Variants in ZBTB20 observed in about 807,000 individuals in gnomAD.
ZBTB20 encodes zinc finger and BTB domain-containing protein 20.
Under a neutral mutation model 56.9 loss-of-function variants are expected in ZBTB20, and 9 were observed. That is an observed-to-expected ratio of 0.16 (90% CI 0.10 to 0.28). The LOEUF (loss-of-function observed/expected upper bound fraction) is 0.28. ZBTB20 is among the 10% of genes least tolerant of loss of function. The probability of loss-of-function intolerance (pLI) is 1.00; values close to 1 mark genes in which losing one functional copy is unlikely to be tolerated. For missense variants in ZBTB20, 655 were observed against 1,003.0 expected (o/e 0.65, Z 4.69); for synonymous variants, 417 against 420.7 (o/e 0.99, Z 0.11).
chr3:114,855,558 G>C (rs913047781), intron 4 of ZBTB20, among the ~76,000 whole-genome samples: 1 of 152,170 alleles, frequency 6.6e-6, no homozygotes, highest in African/African-American at 2.4e-5. Context: ...TTGGGAGAAA[G>C]GGGAAGGTAA....
At chr3:115,080,061 A>G (rs143241885) in intron 1 of ZBTB20, among the ~76,000 whole-genome samples, 23 of 152,270 alleles carry the variant, frequency 1.5e-4, no homozygotes, top group South Asian at 6.2e-4. Context: ...TATACCCCCA[A>G]TGTAATGCCA....
chr3:114,976,840 A>G (rs986330554), intron 2 of ZBTB20, among the ~76,000 whole-genome samples: 4 of 152,184 alleles, frequency 2.6e-5, no homozygotes, highest in African/African-American at 9.6e-5. Flanking sequence ...AATAGTGCCT[A>G]GCAAGAGCTC....
At chr3:114,750,154 G>A (rs116057322) in intron 5 of ZBTB20, among the ~76,000 whole-genome samples, 49 of 152,082 alleles carry the variant, frequency 3.2e-4, no homozygotes, top group African/African-American at 8.4e-4. Flanking sequence ...CCCCAAATCC[G>A]GATCATAAAG....
chr3:115,026,340 T>C (rs1385343222), intron 2 of ZBTB20, among the ~76,000 whole-genome samples: 1 of 151,040 alleles, frequency 6.6e-6, no homozygotes, highest in African/African-American at 2.4e-5. Context: ...CTATAACATA[T>C]AAATACCTTA....
chr3:114,685,466 C>CG (rs1188213289), intron 6 of ZBTB20, among the ~76,000 whole-genome samples: 1 of 152,208 alleles, frequency 6.6e-6, no homozygotes, highest in Admixed American at 6.5e-5. Context: ...AAGCAGCCCT[C>CG]GGCAGGTTTC....
intron 5 of ZBTB20, among the ~76,000 whole-genome samples, chr3:114,718,577 C>T (rs952782539): frequency 2.6e-5 from 4 of 152,010 alleles, no homozygotes; most frequent in East Asian, 1.9e-4. Context: ...GAGAAAATAT[C>T]GCAAGATATT....
At chr3:114,388,590 C>A (rs1244887925) in intron 8 of ZBTB20, 6 of 152,286 alleles carry the variant, frequency 3.9e-5, no homozygotes, top group African/African-American at 9.7e-5. Flanking sequence ...TAAATAAAAC[C>A]AAGCAAAGCT....
chr3:114,520,173 G>A (rs1456456548), intron 6 of ZBTB20: 1 of 151,974 alleles, frequency 6.6e-6, no homozygotes, highest in Non-Finnish European at 1.5e-5. Flanking sequence ...GAAATAGAAA[G>A]AATAAAGATG....
chr3:114,647,205 G>T (rs781377715), intron 6 of ZBTB20, among the ~76,000 whole-genome samples: 1 of 152,092 alleles, frequency 6.6e-6, no homozygotes. Flanking sequence ...TAATCCACCC[G>T]CCTTGGCCTC....
chr3:114,397,444 T>G lies in ZBTB20; in HGVS notation c.-254-8339A>C, dbSNP rs571291547. Among the ~76,000 whole-genome samples the G allele has an allele frequency of 2.6e-5, 4 of 151,694 alleles. No individual in the cohort carries two copies. The South Asian group carries it at 8.3e-4, about 31-fold the overall frequency. On this transcript the variant is annotated intron_variant, in intron 7 of 11. Coordinates refer to ENST00000675478, the MANE Select transcript of ZBTB20 (RefSeq NM_001348800.3). ...TTTCCTCAGGATATATCTTTTCCCA[T>G]GTTCCCTTCGTATCTTGAAGGTTAT...
In ZBTB20 at chr3:114,655,232, TTTTCC is replaced by T. The variant is rs1355580515; in HGVS notation, c.-295+38291_-295+38295del. Among the ~76,000 whole-genome samples, 144 of 142,296 alleles carry T rather than the reference TTTTCC, an allele frequency of 1.0e-3. 2 individuals carry two copies. Among genetic ancestry groups the T allele is most frequent in the African/African-American group, 3.8e-3 (134 of 35,604 alleles). The allele number at this position is 142,296 out of a possible 152,430, so 93.4% of individuals were successfully genotyped here. On this transcript the variant is annotated intron_variant, in intron 6 of 11. Transcript: ENST00000675478. The stretch of plus-strand genomic sequence containing the variant: ...GGTTTTTGTCATTGTTATTCTTCTG[TTTTCC>T]TTTCCTTTTTTTTTTTTTTTTTTTT...
At chr3:114,420,045 G>A (rs903441594) in intron 7 of ZBTB20, among the ~76,000 whole-genome samples, 15 of 152,184 alleles carry the variant, frequency 9.9e-5, no homozygotes, top group Admixed American at 9.8e-4. Context: ...ACTTCTCCTT[G>A]TAAACTTAAA....
Position 114,703,184 on chromosome 3 carries a change from T to A in ZBTB20, c.-342-9609A>T, listed in dbSNP as rs568945872. On this transcript the variant is annotated intron_variant, in intron 5 of 11. Coordinates refer to ENST00000675478, the MANE Select transcript of ZBTB20 (RefSeq NM_001348800.3). ...AATTCATTCCTTAACATTCAATAAG[T>A]CTTTATTGCTTCGCCCTTCCCTCCT... Among the ~76,000 whole-genome samples the A allele has an allele frequency of 5.5e-4, 84 of 152,274 alleles. 1 individual carries two copies. The highest frequency in any genetic ancestry group is 1.9e-3 in the African/African-American group (80 of 41,570).
At chr3:114,514,628 G>A (rs1032635180) in intron 6 of ZBTB20, among the ~76,000 whole-genome samples, 3 of 152,110 alleles carry the variant, frequency 2.0e-5, no homozygotes, top group Non-Finnish European at 4.4e-5. Flanking sequence ...TAAGTAATGG[G>A]GAATACTTTA....
chr3:115,103,205 G>A lies in ZBTB20; in HGVS notation c.-702-31791C>T, dbSNP rs144242931. On this transcript the variant is annotated intron_variant, in intron 1 of 11. Transcript: ENST00000675478. Reference sequence around the variant, plus strand: ...GTTATTTAATTAAATTGCTTCATGTGTTGATATGTCATGGGGCAATTTGGT... The same window carrying A: ...GTTATTTAATTAAATTGCTTCATGTATTGATATGTCATGGGGCAATTTGGT... 16 of 152,220 alleles carry A rather than the reference G, an allele frequency of 1.1e-4. No individual in the cohort carries two copies. In the East Asian group the frequency reaches 1.4e-3, roughly 13 times the overall value. 9.4% of individuals were successfully genotyped at this position (152,220 alleles called of 1,614,324 possible).
intron 6 of ZBTB20, among the ~76,000 whole-genome samples, chr3:114,518,017 C>T (rs995833797): frequency 6.6e-5 from 10 of 152,092 alleles, no homozygotes; most frequent in African/African-American, 2.4e-4. Flanking sequence ...TCTCACAGTC[C>T]GTTCTTTATC....
At chr3:114,957,269 T>G (rs2077278667) in intron 3 of ZBTB20, among the ~76,000 whole-genome samples, 1 of 152,090 alleles carries the variant, frequency 6.6e-6, no homozygotes, top group South Asian at 2.1e-4. Flanking sequence ...TCAGTGCTCT[T>G]GAAATTAAGA....
intron 6 of ZBTB20, among the ~76,000 whole-genome samples, chr3:114,580,590 C>T (rs1453338580): frequency 1.3e-5 from 2 of 151,652 alleles, no homozygotes; most frequent in African/African-American, 4.8e-5. Context: ...CTGTAGAAAA[C>T]TTAAGAGAAT....
intron 7 of ZBTB20, among the ~76,000 whole-genome samples, chr3:114,479,073 G>T (rs1001092039): frequency 1.3e-5 from 2 of 148,502 alleles, no homozygotes; most frequent in Non-Finnish European, 3.0e-5. Flanking sequence ...TATTGGGGGG[G>T]GGCCACAGTA....
Sources: allele counts gnomAD v4.1 joint callset (sites outside exome capture counted in the v4.1 genomes callset), GRCh38; gene constraint gnomAD v4.1.1; transcripts MANE v1.5; gene names NCBI Gene and HGNC (gene_info 2026-07-23, HGNC 2026-07-21).